The following MINK1 variants were observed in gnomAD, a reference collection of about 807,000 sequenced individuals.
The protein encoded by MINK1 is misshapen like kinase 1, also known as misshapen-like kinase 1.
A neutral mutation model predicts 178.4 loss-of-function variants in MINK1; 46 were observed. The observed-to-expected ratio is 0.26, with a 90% CI of 0.20 to 0.33. The LOEUF is 0.33. MINK1 is among the 10% of genes least tolerant of loss of function. The pLI, the probability that MINK1 is intolerant of heterozygous loss-of-function variation, is 1.00. For synonymous variants in MINK1, 797 were observed against 709.7 expected (o/e 1.12, Z -1.96); for missense variants, 1,366 against 1,814.9 (o/e 0.75, Z 4.49).
At position 4,886,410 on chromosome 17, in the gene MINK1, T is replaced by C; in HGVS notation, c.774-41T>C. The C allele has an allele frequency of 4.4e-6, 7 of 1,578,544 alleles. No individual in the cohort carries two copies. Among genetic ancestry groups the C allele is most frequent in the Non-Finnish European group, 6.0e-6 (7 of 1,160,782 alleles). ...CCCTCTTCCTCCTGCACCCATCCCT[T>C]CTGAGGGGACCCTCCCAGTGTGAGC... On this transcript the variant is annotated intron_variant, in intron 9 of 31. Transcript: ENST00000355280. The surrounding 1 kb of genome is among the most constrained non-coding windows in gnomAD (Gnocchi z 6.1).
rs979197337 is a variant in MINK1, at chr17:4,833,439, C to T, written c.-145C>T. On this transcript the variant is annotated 5_prime_UTR_variant, in exon 1 of 32. Transcript: ENST00000355280. The surrounding 1 kb of genome is among the most constrained non-coding windows in gnomAD (Gnocchi z 4.8). Reference sequence around the variant, plus strand: ...TCAGTCGGTGGGTCGGTCCTCGCGCCGGCCCTCCCCCTCCCCGGTCTCCGG... The same window carrying T: ...TCAGTCGGTGGGTCGGTCCTCGCGCTGGCCCTCCCCCTCCCCGGTCTCCGG... 1.6e-5 allele frequency: 10 copies of T among 613,414 alleles called. No individual in the cohort carries two copies. In the African/African-American group the frequency reaches 2.0e-4, roughly 12 times the overall value. The allele number at this position is 613,414 out of a possible 1,614,324, so 38.0% of individuals were successfully genotyped here.
intron 1 of MINK1, among the ~76,000 whole-genome samples, chr17:4,837,140 T>C (rs942633410): frequency 6.6e-6 from 1 of 152,190 alleles, no homozygotes; most frequent in African/African-American, 2.4e-5. Flanking sequence ...TGAGCCAAGA[T>C]TGCACCACTG....
In MINK1 at chr17:4,892,173, G is replaced by T; in HGVS notation, c.2026G>T (p.Ala676Ser). 6.2e-7 allele frequency: 1 copy of T among 1,600,776 alleles called. No individual in the cohort carries two copies. ...GGTGCCTCAGAGGACCTCATCTATC[G>T]CCACTGCCCTTAACACCAGTGGGGC... ...PKVPQRTSSIATALNTSGAGG... is the reference protein window; with the variant it reads ...PKVPQRTSSISTALNTSGAGG... The change falls in exon 17 of 32, where the codon GCC becomes TCC. Residue 676 changes from alanine (A) to serine (S), a missense_variant. Transcript: ENST00000355280.
rs199840048 is a variant in MINK1, at chr17:4,895,371, C to T, written c.3107C>T (p.Thr1036Met). The stretch of plus-strand genomic sequence containing the variant: ...GCAGGGGTCAACCTGCTGGTGGGCA[C>T]GGAGAACGGGCTGATGTTGCTGGAC... ...ALWGVNLLVG[T>M]ENGLMLLDRS... The change falls in exon 26 of 32, where the codon ACG (threonine) becomes ATG (methionine). Residue 1036 changes from threonine to methionine, a missense_variant. By Grantham distance (81) the Thr-to-Met change is moderately conservative. Coordinates refer to ENST00000355280, the MANE Select transcript of MINK1 (RefSeq NM_153827.5). This position sits in a 1 kb window ranked among gnomAD's most constrained non-coding sequence, Gnocchi z 4.3. 1.2e-5 allele frequency: 19 copies of T among 1,606,864 alleles called. No homozygotes were observed. The highest frequency in any genetic ancestry group is 1.7e-4 in the Middle Eastern group (1 of 6,026).
At chr17:4,892,544 CTCTCACT>C (rs1968962047) in intron 18 of MINK1, 32 bp downstream of exon 18, 9 of 1,539,362 alleles carry the variant, frequency 5.8e-6, no homozygotes, top group South Asian at 1.2e-5. Context: ...TCACTCTCAC[CTCTCACT>C]TCTGCCACCC....
chr17:4,896,963 C>T lies in MINK1; in HGVS notation c.3915+150C>T. ...AGAGGGCAGTCAGCCACTACCACTG[C>T]CCTGCGCTCCCTTCAGATTCCGAGG... On this transcript the variant is annotated intron_variant, in intron 31 of 31. Coordinates refer to ENST00000355280, the MANE Select transcript of MINK1 (RefSeq NM_153827.5). The surrounding 1 kb of genome is among the most constrained non-coding windows in gnomAD (Gnocchi z 4.6). 1 of 1,114,434 alleles carries T rather than the reference C, an allele frequency of 9.0e-7. No homozygotes were observed. The highest frequency in any genetic ancestry group is 1.3e-6 in the Non-Finnish European group (1 of 797,324). 69.0% of individuals were successfully genotyped at this position (1,114,434 alleles called of 1,614,324 possible). A position where few individuals can be genotyped will look rare whatever the true frequency, so the allele number is the denominator to read the frequency against.
chr17:4,874,403 G>A (rs1043395848), intron 1 of MINK1, among the ~76,000 whole-genome samples: 1 of 152,202 alleles, frequency 6.6e-6, no homozygotes, highest in Non-Finnish European at 1.5e-5. Flanking sequence ...GAGGTGTTGG[G>A]ACTCTCTAAG....
intron 12 of MINK1, 80 bp from the exon 13 acceptor site, chr17:4,889,567 G>T: frequency 8.2e-7 from 1 of 1,212,402 alleles, no homozygotes; most frequent in Non-Finnish European, 1.2e-6. Flanking sequence ...AGCAAGGAGG[G>T]CTCCCCTCCC....
At chr17:4,860,838 G>A (rs1914060237) in intron 1 of MINK1, 12 of 516,502 alleles carry the variant, frequency 2.3e-5, no homozygotes, top group South Asian at 1.7e-4. Context: ...CACGTGCTGG[G>A]GAGATGCCGA....
intron 2 of MINK1, 95 bp from the exon 3 acceptor site, chr17:4,880,889 G>A (rs1396719504): frequency 2.4e-6 from 3 of 1,258,802 alleles, no homozygotes; most frequent in Non-Finnish European, 3.2e-6. Flanking sequence ...GACAGAGCGA[G>A]ACCCTGTCTC....
intron 2 of MINK1, among the ~76,000 whole-genome samples, chr17:4,880,511 T>A (rs1227736739): frequency 6.7e-6 from 1 of 149,878 alleles, no homozygotes; most frequent in Non-Finnish European, 1.5e-5. Context: ...GGTCTCGAAC[T>A]CCTGGTCTCA....
At chr17:4,837,802 G>A (rs1056149670) in intron 1 of MINK1, among the ~76,000 whole-genome samples, 5 of 152,120 alleles carry the variant, frequency 3.3e-5, no homozygotes, top group Admixed American at 1.3e-4. Flanking sequence ...GCTTAGCGTC[G>A]CTGGATTGAA....
At chr17:4,884,036 T>C (rs1967970244) in intron 4 of MINK1, among the ~76,000 whole-genome samples, 1 of 150,750 alleles carries the variant, frequency 6.6e-6, no homozygotes, top group Admixed American at 6.6e-5. Context: ...CTCTTTTTTT[T>C]TTTTTTTTTT....
intron 1 of MINK1, among the ~76,000 whole-genome samples, chr17:4,854,973 C>T (rs1451819980): frequency 1.3e-5 from 2 of 150,508 alleles, no homozygotes; most frequent in Non-Finnish European, 1.5e-5. Flanking sequence ...TTGGGAGGCC[C>T]AGGTGGGCAG....
intron 1 of MINK1, among the ~76,000 whole-genome samples, chr17:4,864,149 C>G (rs1044319754): frequency 6.6e-6 from 1 of 151,756 alleles, no homozygotes; most frequent in Non-Finnish European, 1.5e-5. Flanking sequence ...CCTGTAATCC[C>G]GGCACTTTGG....
intron 1 of MINK1, among the ~76,000 whole-genome samples, chr17:4,865,564 A>C (rs556852998): frequency 4.6e-5 from 7 of 152,088 alleles, no homozygotes; most frequent in Admixed American, 3.9e-4. Flanking sequence ...CATAGAATAA[A>C]ATGATGAAAT....
At position 4,894,613 on chromosome 17, in the gene MINK1, G is replaced by A; in HGVS notation, c.2897G>A (p.Gly966Glu). 6.2e-7 allele frequency: 1 copy of A among 1,606,056 alleles called. No individual in the cohort carries two copies. The highest frequency in any genetic ancestry group is 1.1e-5 in the South Asian group (1 of 89,480). The change falls in exon 24 of 32, where the codon GGG (glycine) becomes GAG (glutamate). Residue 966 changes from glycine to glutamate, a missense_variant. Gly to Glu is a moderately conservative substitution (Grantham distance 98, BLOSUM62 -2). This residue lies in a region of MINK1 where 709 missense variants were observed against 692.3 expected (regional missense o/e 1.02). Coordinates refer to ENST00000355280, the MANE Select transcript of MINK1 (RefSeq NM_153827.5). The surrounding 1 kb of genome is among the most constrained non-coding windows in gnomAD (Gnocchi z 4.1). The part of the protein sequence containing the change: ...DLGIYQPGGS[G>E]DSIPITALVG... ...GGGATCTACCAGCCTGGAGGCAGTG[G>A]GGACAGCATCCCCATCACAGGTGAG...
chr17:4,882,093 A>G (rs1276855427), intron 4 of MINK1, among the ~76,000 whole-genome samples: 1 of 152,236 alleles, frequency 6.6e-6, no homozygotes, highest in African/African-American at 2.4e-5. Flanking sequence ...AAAGGGAGAA[A>G]GGTGACAGGG....
intron 1 of MINK1, among the ~76,000 whole-genome samples, chr17:4,838,722 T>C (rs1166141374): frequency 6.6e-6 from 1 of 152,198 alleles, no homozygotes; most frequent in East Asian, 1.9e-4. Flanking sequence ...AGAGTCTGCC[T>C]GTCTAATATT....
Sources: allele counts gnomAD v4.1 joint callset (sites outside exome capture counted in the v4.1 genomes callset), GRCh38; gene constraint gnomAD v4.1.1; regional missense constraint gnomAD v4.1.1; non-coding constraint Gnocchi (gnomAD v3.1); transcripts MANE v1.5; gene names NCBI Gene and HGNC (gene_info 2026-07-23, HGNC 2026-07-21).